NPAS3: variants seen among roughly 807,000 people sequenced by gnomAD.
NPAS3 encodes neuronal PAS domain protein 3, also known as neuronal PAS domain-containing protein 3.
In NPAS3, 14 loss-of-function variants were observed where a neutral mutation model predicts 73.1. The observed-to-expected ratio is 0.19, with a 90% CI of 0.13 to 0.30. NPAS3 has a LOEUF of 0.30. Among genes scored for constraint, NPAS3 ranks in the 10% least tolerant of loss-of-function variants. The pLI is 1.00. For missense variants in NPAS3, 1,096 were observed against 1,250.0 expected (o/e 0.88, Z 1.86); for synonymous variants, 620 against 541.5 (o/e 1.14, Z -2.01).
intron 2 of NPAS3, among the ~76,000 whole-genome samples, chr14:33,199,570 G>A (rs367927783): frequency 6.6e-6 from 1 of 152,250 alleles, no homozygotes; most frequent in East Asian, 1.9e-4. Flanking sequence ...GAAAGGGGAG[G>A]AGACTGTTTT....
intron 7 of NPAS3, among the ~76,000 whole-genome samples, chr14:33,768,239 G>T (rs146913234): frequency 6.6e-6 from 1 of 152,078 alleles, no homozygotes; most frequent in Admixed American, 6.5e-5. Context: ...TAGCATTTTT[G>T]TACAGCTTTT....
At chr14:33,728,023 G>C (rs2061315532) in intron 6 of NPAS3, among the ~76,000 whole-genome samples, 1 of 152,144 alleles carries the variant, frequency 6.6e-6, no homozygotes, top group South Asian at 2.1e-4. Flanking sequence ...TTGCTTAGTA[G>C]TTGTGTATAG....
chr14:33,686,182 G>A (rs765980565), intron 6 of NPAS3, among the ~76,000 whole-genome samples: 8 of 152,150 alleles, frequency 5.3e-5, no homozygotes, highest in Non-Finnish European at 8.8e-5. Flanking sequence ...AAAGGTAGAG[G>A]TGATCTCCCA....
At position 33,630,251 on chromosome 14, in the gene NPAS3, C is replaced by CT. The variant is rs1162203139; in HGVS notation, c.559-45956dup. ...GGAGTGGATAATTTGAGGGGGGTCT[C>CT]TTTTGCACAACTTGTGGAAAAGCTC... On this transcript the variant is annotated intron_variant, in intron 5 of 11. Transcript: ENST00000356141. Among the ~76,000 whole-genome samples, 4 of 152,256 alleles carry CT rather than the reference C, an allele frequency of 2.6e-5. No homozygotes were observed. In the South Asian group the frequency reaches 6.2e-4, roughly 24 times the overall value.
chr14:33,228,551 G>A (rs1233775720), intron 3 of NPAS3, among the ~76,000 whole-genome samples: 3 of 151,974 alleles, frequency 2.0e-5, no homozygotes, highest in East Asian at 3.9e-4. Flanking sequence ...TCAATTTTTT[G>A]TTGTCATCAG....
At chr14:33,373,155 G>A (rs1169192604) in intron 4 of NPAS3, among the ~76,000 whole-genome samples, 1 of 152,122 alleles carries the variant, frequency 6.6e-6, no homozygotes, top group African/African-American at 2.4e-5. Flanking sequence ...TGAATGGAAT[G>A]TTTTAATGCT....
intron 3 of NPAS3, among the ~76,000 whole-genome samples, chr14:33,338,588 T>C (rs1454520080): frequency 1.3e-5 from 2 of 152,230 alleles, no homozygotes; most frequent in African/African-American, 2.4e-5. Flanking sequence ...TGTTTGACTT[T>C]TGGCACATCT....
intron 6 of NPAS3, among the ~76,000 whole-genome samples, chr14:33,731,023 G>A (rs746748106): frequency 5.9e-5 from 9 of 152,134 alleles, no homozygotes; most frequent in Admixed American, 1.3e-4. Context: ...TTACTTTTGA[G>A]GAGTAACATT....
intron 1 of NPAS3, among the ~76,000 whole-genome samples, chr14:32,999,872 A>G (rs1334866062): frequency 1.3e-5 from 2 of 152,244 alleles, no homozygotes; most frequent in East Asian, 3.8e-4. Flanking sequence ...CAAGTGTTGC[A>G]TAGACTCTGG....
In NPAS3 at chr14:33,335,030, T is replaced by TTG. The variant is rs777068522; in HGVS notation, c.386-32145_386-32144dup. Among the ~76,000 whole-genome samples, 466 of 144,262 alleles carry TTG rather than the reference T, an allele frequency of 3.2e-3. 4 individuals carry two copies. Among genetic ancestry groups the TTG allele is most frequent in the African/African-American group, 0.01 (378 of 37,574 alleles). 94.6% of individuals were successfully genotyped at this position (144,262 alleles called of 152,430 possible). Reference sequence around the variant, plus strand: ...CTTGCTATGGCTTAGTGGTATTCCATTGTGTGTGTGTGCGTGTGTGTGTGT... The same window carrying TTG: ...CTTGCTATGGCTTAGTGGTATTCCATTGTGTGTGTGTGTGCGTGTGTGTGTGT... On this transcript the variant is annotated intron_variant, in intron 3 of 11. Coordinates refer to ENST00000356141, the Ensembl canonical transcript of NPAS3.
chr14:33,047,410 G>C (rs1250784518), intron 1 of NPAS3, among the ~76,000 whole-genome samples: 1 of 152,138 alleles, frequency 6.6e-6, no homozygotes, highest in Non-Finnish European at 1.5e-5. Context: ...AAAGAGATCA[G>C]ATGGTACCCA....
At chr14:33,566,228 C>CA (rs891741649) in intron 5 of NPAS3, among the ~76,000 whole-genome samples, 17 of 151,114 alleles carry the variant, frequency 1.1e-4, no homozygotes, top group East Asian at 7.9e-4. Context: ...TTGATTTTTC[C>CA]CCCCCGAAAA....
At chr14:32,958,503 G>C (rs566845035) in intron 1 of NPAS3, among the ~76,000 whole-genome samples, 1 of 152,164 alleles carries the variant, frequency 6.6e-6, no homozygotes, top group Admixed American at 6.5e-5. Flanking sequence ...TATCAGTTTG[G>C]TTTCCAGAGT....
intron 4 of NPAS3, among the ~76,000 whole-genome samples, chr14:33,510,561 T>A (rs113340031): frequency 0.016 from 2,482 of 152,114 alleles, 55 homozygotes; most frequent in African/African-American, 0.052. Flanking sequence ...AAGGAATTCA[T>A]TTTCTCAAAA....
chr14:32,993,661 A>C (rs2038433193), intron 1 of NPAS3, among the ~76,000 whole-genome samples: 1 of 152,236 alleles, frequency 6.6e-6, no homozygotes, highest in Non-Finnish European at 1.5e-5. Flanking sequence ...TTTGTCAGGC[A>C]GAAGTGCTGG....
intron 2 of NPAS3, among the ~76,000 whole-genome samples, chr14:33,059,946 T>TTTTTG (rs1349526320): frequency 1.3e-5 from 2 of 151,842 alleles, no homozygotes; most frequent in African/African-American, 4.8e-5. Flanking sequence ...ATGTCTGGCT[T>TTTTTG]TTTTGTTTTG....
At chr14:33,487,066 G>C (rs527699354) in intron 4 of NPAS3, among the ~76,000 whole-genome samples, 1 of 152,070 alleles carries the variant, frequency 6.6e-6, no homozygotes, top group Non-Finnish European at 1.5e-5. Flanking sequence ...TAATTGGTAC[G>C]TATTTCTTAC....
At chr14:33,752,160 C>T (rs2061982371) in intron 7 of NPAS3, among the ~76,000 whole-genome samples, 1 of 152,146 alleles carries the variant, frequency 6.6e-6, no homozygotes, top group Non-Finnish European at 1.5e-5. Flanking sequence ...ATAGGCTTTA[C>T]CTTTCTATAA....
chr14:33,208,501 A>G (rs992789378), intron 2 of NPAS3, among the ~76,000 whole-genome samples: 1 of 152,190 alleles, frequency 6.6e-6, no homozygotes, highest in African/African-American at 2.4e-5. Context: ...ATTTTACCAC[A>G]AGTCAAATGG....
Sources: gnomAD v4.1 joint callset for allele counts (sites outside exome capture counted in the v4.1 genomes callset) on GRCh38, gnomAD v4.1.1 for gene constraint, MANE v1.5 for transcripts, NCBI Gene and HGNC (gene_info 2026-07-23, HGNC 2026-07-21) for gene names.